PEBP4: variants seen among roughly 807,000 people sequenced by gnomAD.
PEBP4 encodes the protein phosphatidylethanolamine-binding protein 4.
Under a neutral mutation model 23.9 loss-of-function variants are expected in PEBP4, and 22 were observed. That is an observed-to-expected ratio of 0.92 (90% CI 0.66 to 1.31). The LOEUF is 1.31. Ranked by LOEUF, PEBP4 falls within the 40% of genes most tolerant of loss-of-function variation. PEBP4 has a pLI of 0.00. For synonymous variants in PEBP4, 112 were observed against 99.3 expected (o/e 1.13, Z -0.76); for missense variants, 324 against 281.7 (o/e 1.15, Z -1.07).
chr8:22,836,683 C>T (rs185527905), intron 3 of PEBP4, among the ~76,000 whole-genome samples: 296 of 152,300 alleles, frequency 1.9e-3, no homozygotes, highest in Non-Finnish European at 3.5e-3. Context: ...TGTACTCTGT[C>T]CCCTCCTCAA....
intron 4 of PEBP4, among the ~76,000 whole-genome samples, chr8:22,811,421 C>G (rs557191006): frequency 1.3e-4 from 20 of 152,226 alleles, no homozygotes; most frequent in Non-Finnish European, 2.5e-4. Flanking sequence ...TTTGTAGCAA[C>G]ATTTTATTTA....
intron 6 of PEBP4, among the ~76,000 whole-genome samples, chr8:22,718,472 C>T (rs1030878501): frequency 3.9e-5 from 6 of 152,186 alleles, no homozygotes; most frequent in African/African-American, 1.2e-4. Context: ...GGCTGATGTT[C>T]GGCTGGACTG....
At chr8:22,937,542 T>A (rs942156199) in intron 1 of PEBP4, among the ~76,000 whole-genome samples, 6 of 82,002 alleles carry the variant, frequency 7.3e-5, no homozygotes, top group South Asian at 7.9e-4. Flanking sequence ...GCAACTCCTA[T>A]GAAAATGTCA....
chr8:22,733,405 C>T (rs1003987333), intron 4 of PEBP4, among the ~76,000 whole-genome samples: 2 of 152,134 alleles, frequency 1.3e-5, no homozygotes, highest in Admixed American at 6.5e-5. Context: ...GAGGGTCCAG[C>T]GACACTCCTC....
chr8:22,825,090 A>C (rs1806939036), intron 3 of PEBP4, among the ~76,000 whole-genome samples: 1 of 152,354 alleles, frequency 6.6e-6, no homozygotes, highest in African/African-American at 2.4e-5. Context: ...CTCTCAATGC[A>C]ATCAGGGAGC....
intron 4 of PEBP4, among the ~76,000 whole-genome samples, chr8:22,781,180 A>C (rs996655119): frequency 6.6e-6 from 1 of 152,206 alleles, no homozygotes; most frequent in Non-Finnish European, 1.5e-5. Flanking sequence ...AGGCCCCAGC[A>C]TCTCCTTGTT....
intron 4 of PEBP4, among the ~76,000 whole-genome samples, chr8:22,728,589 T>C (rs1804670200): frequency 7.3e-6 from 1 of 137,734 alleles, no homozygotes; most frequent in African/African-American, 2.7e-5. Context: ...CCTTCCTTCC[T>C]TCCTTCCTTC....
intron 3 of PEBP4, among the ~76,000 whole-genome samples, chr8:22,905,771 G>A (rs941010631): frequency 6.6e-6 from 1 of 152,172 alleles, no homozygotes; most frequent in Non-Finnish European, 1.5e-5. Context: ...TCCTCTCCAC[G>A]GGGCCCTGGG....
intron 2 of PEBP4, among the ~76,000 whole-genome samples, chr8:22,923,238 C>T (rs934465967): frequency 2.0e-5 from 3 of 152,106 alleles, no homozygotes; most frequent in Non-Finnish European, 4.4e-5. Context: ...TCAGTTTGAG[C>T]TAGGTGGTCA....
intron 3 of PEBP4, among the ~76,000 whole-genome samples, chr8:22,839,628 T>C (rs1227630647): frequency 6.6e-6 from 1 of 152,224 alleles, no homozygotes; most frequent in Non-Finnish European, 1.5e-5. Context: ...CAATAGCTAC[T>C]GGTGGCACAA....
chr8:22,851,840 A>G (rs1475432772), intron 3 of PEBP4, among the ~76,000 whole-genome samples: 1 of 152,094 alleles, frequency 6.6e-6, no homozygotes. Context: ...AGTTAAGTGG[A>G]AAATGGCATT....
At chr8:22,735,021 C>T (rs1804829033) in intron 4 of PEBP4, among the ~76,000 whole-genome samples, 1 of 152,206 alleles carries the variant, frequency 6.6e-6, no homozygotes, top group Non-Finnish European at 1.5e-5. Flanking sequence ...AAAAATGTCA[C>T]ACCGTCTTGC....
chr8:22,852,428 C>A (rs904050165), intron 3 of PEBP4, among the ~76,000 whole-genome samples: 3 of 152,226 alleles, frequency 2.0e-5, no homozygotes, highest in Admixed American at 2.0e-4. Flanking sequence ...CCCAAGAGCA[C>A]AAACCTCCTG....
chr8:22,834,583 C>T (rs1365102298), intron 3 of PEBP4, among the ~76,000 whole-genome samples: 2 of 152,206 alleles, frequency 1.3e-5, no homozygotes, highest in Admixed American at 1.3e-4. Flanking sequence ...ATTCTAGAAG[C>T]TGGGAAGCTA....
intron 4 of PEBP4, among the ~76,000 whole-genome samples, chr8:22,759,807 T>C (rs1405155624): frequency 1.3e-5 from 2 of 152,128 alleles, no homozygotes; most frequent in Non-Finnish European, 2.9e-5. Flanking sequence ...TCCGAAGGGC[T>C]CAACTGGGAA....
At chr8:22,852,620 TGA>T (rs1456301215) in intron 3 of PEBP4, among the ~76,000 whole-genome samples, 3 of 150,606 alleles carry the variant, frequency 2.0e-5, no homozygotes, top group Non-Finnish European at 4.4e-5. Context: ...GAGTCTTTTG[TGA>T]GTGTGAAGAA....
At chr8:22,820,329 TG>T (rs1277482813) in intron 3 of PEBP4, among the ~76,000 whole-genome samples, 4 of 152,334 alleles carry the variant, frequency 2.6e-5, no homozygotes, top group Non-Finnish European at 5.9e-5. Context: ...CCTTTTTAAC[TG>T]TTCAAGTACA....
rs1390184576 is a variant in PEBP4, at chr8:22,920,297, A to G, written c.145T>C (p.Phe49Leu). The change falls in exon 3 of 7, where the codon TTC becomes CTC. Residue 49 changes from phenylalanine (F) to leucine (L), a missense_variant. By Grantham distance (22) the Phe-to-Leu change is conservative (BLOSUM62 0). Coordinates refer to ENST00000256404, the MANE Select transcript of PEBP4 (RefSeq NM_144962.3). Reference sequence around the variant, plus strand: ...CCAATGTTCCCCAACTCTGGGTAGAAAACTTCAAGGCCCCTATGAAGAGAG... The same window carrying G: ...CCAATGTTCCCCAACTCTGGGTAGAGAACTTCAAGGCCCCTATGAAGAGAG... ...DTLFCQGLEV[F>L]YPELGNIGCK... 9 of 1,613,320 alleles carry G rather than the reference A, an allele frequency of 5.6e-6. No individual in the cohort carries two copies. Among genetic ancestry groups the G allele is most frequent in the Non-Finnish European group, 7.6e-6 (9 of 1,179,376 alleles).
chr8:22,840,544 G>T (rs554879576), intron 3 of PEBP4, among the ~76,000 whole-genome samples: 1 of 151,788 alleles, frequency 6.6e-6, no homozygotes, highest in Non-Finnish European at 1.5e-5. Context: ...GCCCAGCCTT[G>T]GTTCTTTTGT....
Sources: gnomAD v4.1 joint callset for allele counts (sites outside exome capture counted in the v4.1 genomes callset) on GRCh38, gnomAD v4.1.1 for gene constraint, MANE v1.5 for transcripts, NCBI Gene and HGNC (gene_info 2026-07-23, HGNC 2026-07-21) for gene names.